The following CELSR1 variants were observed in gnomAD, a reference collection of about 807,000 sequenced individuals.
CELSR1 encodes the protein cadherin EGF LAG seven-pass G-type receptor 1.
In CELSR1, 110 loss-of-function variants were observed where a neutral mutation model predicts 249.1. That is an observed-to-expected ratio of 0.44 (90% CI 0.38 to 0.52). CELSR1 has a LOEUF of 0.52. CELSR1 is among the 20% of genes least tolerant of loss of function. CELSR1 has a pLI of 0.00. For synonymous variants in CELSR1, 2,113 were observed against 1,900.0 expected (o/e 1.11, Z -2.92); for missense variants, 4,109 against 4,296.4 (o/e 0.96, Z 1.22).
chr22:46,417,244 G>A lies in CELSR1; in HGVS notation c.4612-5485C>T, dbSNP rs771034049. On this transcript the variant is annotated intron_variant, in intron 5 of 34. Transcript: ENST00000674500. This position sits in a 1 kb window ranked among gnomAD's most constrained non-coding sequence, Gnocchi z 4.1. ...GACGACAAGCTCTCCCTCGGAGGCA[G>A]CCACTGCAGTTCTCCGAAGCTGCTT... 6.6e-6 allele frequency among the ~76,000 whole-genome samples: 1 copy of A among 152,234 alleles called. No individual in the cohort carries two copies. Among genetic ancestry groups the A allele is most frequent in the Non-Finnish European group, 1.5e-5 (1 of 68,046 alleles).
At chr22:46,403,770 CG>C (rs1292117212) in intron 9 of CELSR1, among the ~76,000 whole-genome samples, 3 of 151,230 alleles carry the variant, frequency 2.0e-5, no homozygotes, top group Non-Finnish European at 4.4e-5. Context: ...GTCAGGGGAT[CG>C]AGACCAGCAT....
At chr22:46,452,718 A>C (rs1461367113) in intron 2 of CELSR1, among the ~76,000 whole-genome samples, 5 of 152,348 alleles carry the variant, frequency 3.3e-5, no homozygotes, top group East Asian at 1.9e-4. Flanking sequence ...TCCAGGACCC[A>C]AGATGAGGAT....
At position 46,488,526 on chromosome 22, in the gene CELSR1, A is replaced by C. The variant is rs1239526608; in HGVS notation, c.3545-24181T>G. 6.6e-6 allele frequency among the ~76,000 whole-genome samples: 1 copy of C among 152,192 alleles called. No individual in the cohort carries two copies. The highest frequency in any genetic ancestry group is 1.5e-5 in the Non-Finnish European group (1 of 68,018). ...AACCCACACCAAGGCTGGACTCGGC[A>C]CAGGCCAGAGGGAAGCCCCACAGGC... On this transcript the variant is annotated intron_variant, in intron 1 of 34. Transcript: ENST00000674500. This position sits in a 1 kb window ranked among gnomAD's most constrained non-coding sequence, Gnocchi z 4.7.
In CELSR1 at chr22:46,381,811, G is replaced by C. The variant is rs768435029; in HGVS notation, c.7088+35C>G. On this transcript the variant is annotated intron_variant, in intron 21 of 34. Coordinates refer to ENST00000674500, the MANE Select transcript of CELSR1 (RefSeq NM_001378328.1). The surrounding 1 kb of genome is among the most constrained non-coding windows in gnomAD (Gnocchi z 6.0). ...TGGAAGCCTCAGGAGCCTCCAGAACGGGCCCTCCCCGTGTGCCCCGTGCCC... is the reference window on the plus strand; with the variant it reads ...TGGAAGCCTCAGGAGCCTCCAGAACCGGCCCTCCCCGTGTGCCCCGTGCCC... 2.6e-6 allele frequency: 4 copies of C among 1,526,464 alleles called. No individual in the cohort carries two copies. In the South Asian group the frequency reaches 4.8e-5, roughly 18 times the overall value. The allele number at this position is 1,526,464 out of a possible 1,614,324, so 94.6% of individuals were successfully genotyped here.
At position 46,381,720 on chromosome 22, in the gene CELSR1, G is replaced by A; in HGVS notation, c.7088+126C>T. On this transcript the variant is annotated intron_variant, in intron 21 of 34. Coordinates refer to ENST00000674500, the MANE Select transcript of CELSR1 (RefSeq NM_001378328.1). The surrounding 1 kb of genome is among the most constrained non-coding windows in gnomAD (Gnocchi z 6.0). The stretch of plus-strand genomic sequence containing the variant: ...CACAAGGCAATGGTCTCTGTCTCTG[G>A]GCCAGGGTCACGGTGAAATGTCACT... The A allele has an allele frequency of 1.1e-6, 1 of 905,324 alleles. No individual in the cohort carries two copies. Among genetic ancestry groups the A allele is most frequent in the Non-Finnish European group, 1.6e-6 (1 of 608,728 alleles). 56.1% of individuals were successfully genotyped at this position (905,324 alleles called of 1,614,324 possible).
At chr22:46,456,507 C>CA (rs1341114624) in intron 2 of CELSR1, among the ~76,000 whole-genome samples, 1 of 151,730 alleles carries the variant, frequency 6.6e-6, no homozygotes, top group Admixed American at 6.6e-5. Context: ...AAAAAAAATA[C>CA]AAAAAGTTAG....
intron 20 of CELSR1, among the ~76,000 whole-genome samples, chr22:46,382,668 T>C (rs1341970152): frequency 6.6e-6 from 1 of 151,896 alleles, no homozygotes; most frequent in African/African-American, 2.4e-5. Flanking sequence ...AACAGGTGAG[T>C]GGATAAGCAA....
rs903538211 is a variant in CELSR1 at position 46,380,692 on chromosome 22, C to T, written c.7256+96G>A. On this transcript the variant is annotated intron_variant, in intron 22 of 34. Coordinates refer to ENST00000674500, the MANE Select transcript of CELSR1 (RefSeq NM_001378328.1). This position sits in a 1 kb window ranked among gnomAD's most constrained non-coding sequence, Gnocchi z 5.1. ...AGGGGAAACACAGACCACAAGAGAC[C>T]GTCCTCTTGGGGCGCTCTGCCACTG... The T allele has an allele frequency of 3.5e-6, 5 of 1,410,344 alleles. No individual in the cohort carries two copies. Among genetic ancestry groups the T allele is most frequent in the East Asian group, 4.6e-5 (2 of 43,558 alleles). The allele number at this position is 1,410,344 out of a possible 1,614,324, so 87.4% of individuals were successfully genotyped here.
intron 1 of CELSR1, among the ~76,000 whole-genome samples, chr22:46,531,385 T>C (rs1241562124): frequency 6.6e-6 from 1 of 152,088 alleles, no homozygotes; most frequent in South Asian, 2.1e-4. Context: ...TTTGTATTTT[T>C]AGCAAAGACA....
Position 46,364,535 on chromosome 22 carries a change from C to A in CELSR1, c.8756G>T (p.Ser2919Ile), listed in dbSNP as rs777856101. ...ESGGAARLAS[S>I]QPPEQRKGIL... is the part of the protein sequence containing the mutation. ...ACCTTTCCTCTGCTCTGGGGGCTGG[C>A]TGCTAGCAAGCCTGGCTGCGCCCCC... Residue 2919 changes from serine to isoleucine, a missense_variant, in exon 33 of 35, where the codon AGC (serine) becomes ATC (isoleucine). Coordinates refer to ENST00000674500, the MANE Select transcript of CELSR1 (RefSeq NM_001378328.1). 3.7e-6 allele frequency: 6 copies of A among 1,611,426 alleles called. No homozygotes were observed. The South Asian group carries it at 6.6e-5, about 18-fold the overall frequency.
intron 1 of CELSR1, among the ~76,000 whole-genome samples, chr22:46,519,800 T>C (rs532876674): frequency 6.6e-6 from 1 of 151,872 alleles, no homozygotes; most frequent in African/African-American, 2.4e-5. Context: ...CTGTTGATAA[T>C]GCAGTCAAAT....
chr22:46,504,690 C>T (rs911824342), intron 1 of CELSR1, among the ~76,000 whole-genome samples: 3 of 152,148 alleles, frequency 2.0e-5, no homozygotes, highest in African/African-American at 7.2e-5. Context: ...TCTTCACACA[C>T]GGCTGGCTCT....
chr22:46,409,894 G>T lies in CELSR1; in HGVS notation c.4934-14C>A. ...GAGCAGCGCAGCCTGGCAACACAGA[G>T]CGTGCGGCAGAGCCTGACTCGGAGG... On this transcript the variant is annotated splice_polypyrimidine_tract_variant and intron_variant, in intron 7 of 34. Transcript: ENST00000674500. This position sits in a 1 kb window ranked among gnomAD's most constrained non-coding sequence, Gnocchi z 9.8. 1 of 1,611,172 alleles carries T rather than the reference G, an allele frequency of 6.2e-7. No individual in the cohort carries two copies. The highest frequency in any genetic ancestry group is 2.2e-5 in the East Asian group (1 of 44,864).
chr22:46,399,386 A>G lies in CELSR1; in HGVS notation c.5412+331T>C, dbSNP rs1417526643. On this transcript the variant is annotated intron_variant, in intron 10 of 34. Transcript: ENST00000674500. This position sits in a 1 kb window ranked among gnomAD's most constrained non-coding sequence, Gnocchi z 5.0. ...CCCAGCATTGCTACTTCAGTACCCT[A>G]AAGACATGGTGCTGAGCCTGCAGGT... 6.6e-6 allele frequency among the ~76,000 whole-genome samples: 1 copy of G among 152,162 alleles called. No homozygotes were observed. The highest frequency in any genetic ancestry group is 1.5e-5 in the Non-Finnish European group (1 of 68,040).
At position 46,447,901 on chromosome 22, in the gene CELSR1, C is replaced by T. The variant is rs71311609; in HGVS notation, c.4184-8490G>A. 0.071 allele frequency among the ~76,000 whole-genome samples: 10,740 copies of T among 152,160 alleles called. 486 individuals are homozygous for T. The highest frequency in any genetic ancestry group is 0.12 in the East Asian group (595 of 5,166). On this transcript the variant is annotated intron_variant, in intron 2 of 34. Coordinates refer to ENST00000674500, the MANE Select transcript of CELSR1 (RefSeq NM_001378328.1). The surrounding 1 kb of genome is among the most constrained non-coding windows in gnomAD (Gnocchi z 4.7). Reference sequence around the variant, plus strand: ...TCCCAAAGTGCTGGGATTACAGGTGCGAGCCACCACACCCGGCCAGAAAAG... The same window carrying T: ...TCCCAAAGTGCTGGGATTACAGGTGTGAGCCACCACACCCGGCCAGAAAAG...
rs1258171157 is a variant in CELSR1 at position 46,407,646 on chromosome 22, A to C, written c.5226+1350T>G. Among the ~76,000 whole-genome samples, 1 of 152,066 alleles carries C rather than the reference A, an allele frequency of 6.6e-6. No homozygotes were observed. Among genetic ancestry groups the C allele is most frequent in the East Asian group, 1.9e-4 (1 of 5,190 alleles). On this transcript the variant is annotated intron_variant, in intron 9 of 34. Coordinates refer to ENST00000674500, the MANE Select transcript of CELSR1 (RefSeq NM_001378328.1). The surrounding 1 kb of genome is among the most constrained non-coding windows in gnomAD (Gnocchi z 4.8). ...AAACTTTATCTCAAAAAAACAAAAC[A>C]AAACAAAACAAAAAAAACCTAGGAT...
chr22:46,530,752 C>T (rs1303944712), intron 1 of CELSR1, among the ~76,000 whole-genome samples: 1 of 152,184 alleles, frequency 6.6e-6, no homozygotes, highest in African/African-American at 2.4e-5. Context: ...AACCCCACGC[C>T]AGGCTAAATG....
chr22:46,393,296 C>T lies in CELSR1; in HGVS notation c.5964+846G>A, dbSNP rs1268382568. Among the ~76,000 whole-genome samples the T allele has an allele frequency of 6.6e-6, 1 of 152,222 alleles. No homozygotes were observed. The highest frequency in any genetic ancestry group is 1.5e-5 in the Non-Finnish European group (1 of 68,044). ...GGGTCCCTAGAGTCTGCACTGAGAACGCGTGTGCATTTCTGGAGACACGAG... is the reference window on the plus strand; with the variant it reads ...GGGTCCCTAGAGTCTGCACTGAGAATGCGTGTGCATTTCTGGAGACACGAG... On this transcript the variant is annotated intron_variant, in intron 14 of 34. Transcript: ENST00000674500. This position sits in a 1 kb window ranked among gnomAD's most constrained non-coding sequence, Gnocchi z 4.1.
chr22:46,475,967 G>A (rs1334867273), intron 1 of CELSR1, among the ~76,000 whole-genome samples: 1 of 152,128 alleles, frequency 6.6e-6, no homozygotes, highest in Admixed American at 6.6e-5. Context: ...CCAGGAAGGT[G>A]TGTTCACACA....
Sources: allele counts gnomAD v4.1 joint callset (sites outside exome capture counted in the v4.1 genomes callset), GRCh38; gene constraint gnomAD v4.1.1; non-coding constraint Gnocchi (gnomAD v3.1); transcripts MANE v1.5; gene names NCBI Gene and HGNC (gene_info 2026-07-23, HGNC 2026-07-21).